NAV3: variants seen among roughly 807,000 people sequenced by gnomAD.
The protein encoded by NAV3 is neuron navigator 3.
In NAV3, 87 loss-of-function variants were observed where a neutral mutation model predicts 244.7. That is an observed-to-expected ratio of 0.36 (90% CI 0.30 to 0.42). The LOEUF is 0.42. Ranked by LOEUF, NAV3 falls within the 20% of genes least tolerant of loss-of-function variation. The pLI is 1.00. For missense variants in NAV3, 2,663 were observed against 2,893.3 expected (o/e 0.92, Z 1.83); for synonymous variants, 1,126 against 1,042.2 (o/e 1.08, Z -1.55).
chr12:78,197,419 T>A lies in NAV3; in HGVS notation c.6446+18T>A. On this transcript the variant is annotated intron_variant, in intron 35 of 39. Coordinates refer to ENST00000397909, the MANE Select transcript of NAV3 (RefSeq NM_001024383.2). Reference sequence around the variant, plus strand: ...AACAAATGGTATGCTTATCAAATATTCTGAATAATGAAATATGAAATAATT... The same window carrying A: ...AACAAATGGTATGCTTATCAAATATACTGAATAATGAAATATGAAATAATT... 6.4e-7 allele frequency: 1 copy of A among 1,554,936 alleles called. No homozygotes were observed. Among genetic ancestry groups the A allele is most frequent in the Non-Finnish European group, 8.7e-7 (1 of 1,145,078 alleles).
intron 2 of NAV3, among the ~76,000 whole-genome samples, chr12:77,778,807 G>A (rs1213690064): frequency 6.6e-6 from 1 of 151,934 alleles, no homozygotes; most frequent in African/African-American, 2.4e-5. Flanking sequence ...TATTCTCTTT[G>A]GTAAAAGGCA....
At chr12:78,201,157 C>T (rs1273183381) in intron 38 of NAV3, among the ~76,000 whole-genome samples, 3 of 148,610 alleles carry the variant, frequency 2.0e-5, no homozygotes, top group East Asian at 4.0e-4. Flanking sequence ...ACTGCAGCCT[C>T]GAACTTTTGG....
intron 9 of NAV3, among the ~76,000 whole-genome samples, chr12:78,029,291 T>C (rs779288533): frequency 1.3e-5 from 2 of 152,130 alleles, no homozygotes; most frequent in Non-Finnish European, 2.9e-5. Flanking sequence ...CATTGAACAT[T>C]GATAACATAG....
At chr12:78,092,491 CTTTTTTT>C (rs71088358) in intron 12 of NAV3, among the ~76,000 whole-genome samples, 8 of 64,028 alleles carry the variant, frequency 1.2e-4, no homozygotes, top group South Asian at 6.1e-4. Flanking sequence ...TAGTTATTTT[CTTTTTTT>C]TTTTTTTTTT....
intron 1 of NAV3, among the ~76,000 whole-genome samples, chr12:77,865,801 G>GTA (rs1879924472): frequency 6.7e-6 from 1 of 150,062 alleles, no homozygotes; most frequent in African/African-American, 2.5e-5. Flanking sequence ...ATATATGCGT[G>GTA]TGTGTGTGTG....
chr12:78,024,316 A>C (rs1877640151), intron 9 of NAV3, among the ~76,000 whole-genome samples: 1 of 152,226 alleles, frequency 6.6e-6, no homozygotes, highest in South Asian at 2.1e-4. Flanking sequence ...AACCAGGAGA[A>C]AACACACCGC....
intron 38 of NAV3, among the ~76,000 whole-genome samples, chr12:78,203,469 G>A (rs1229328395): frequency 6.6e-6 from 1 of 152,042 alleles, no homozygotes; most frequent in African/African-American, 2.4e-5. Context: ...TATAATGATT[G>A]TACCTCTGTT....
At chr12:78,093,404 A>G (rs1359816090) in intron 12 of NAV3, among the ~76,000 whole-genome samples, 1 of 152,234 alleles carries the variant, frequency 6.6e-6, no homozygotes, top group Non-Finnish European at 1.5e-5. Flanking sequence ...CAGGTACTAA[A>G]TAAATCAATT....
chr12:77,796,714 A>G (rs1871422931), intron 2 of NAV3, among the ~76,000 whole-genome samples: 1 of 152,202 alleles, frequency 6.6e-6, no homozygotes, highest in South Asian at 2.1e-4. Flanking sequence ...ACCTTTAGCA[A>G]TCACCACCTT....
intron 2 of NAV3, among the ~76,000 whole-genome samples, chr12:77,688,910 C>A (rs1874880733): frequency 6.6e-6 from 1 of 151,814 alleles, no homozygotes; most frequent in Admixed American, 6.6e-5. Flanking sequence ...GATAAGCCAA[C>A]TGAAATTGGA....
intron 12 of NAV3, among the ~76,000 whole-genome samples, chr12:78,110,016 TGA>T: frequency 6.6e-6 from 1 of 152,114 alleles, no homozygotes; most frequent in East Asian, 1.9e-4. Context: ...TCCTCTTTGC[TGA>T]TGATATGGTT....
Position 77,940,442 on chromosome 12 carries a change from C to G in NAV3, c.361+6C>G, listed in dbSNP as rs1347579900. ...AGAAATCATCCAGATTATTGGTAAG[C>G]CCTTCCTTCTGAAAGAAAGCATGAA... On this transcript the variant is annotated splice_donor_region_variant and intron_variant, in intron 2 of 39. Coordinates refer to ENST00000397909, the MANE Select transcript of NAV3 (RefSeq NM_001024383.2). 6.3e-7 allele frequency: 1 copy of G among 1,599,028 alleles called. No individual in the cohort carries two copies. The highest frequency in any genetic ancestry group is 8.6e-7 in the Non-Finnish European group (1 of 1,167,836).
At chr12:77,836,508 T>C (rs141379941) in intron 1 of NAV3, among the ~76,000 whole-genome samples, 1 of 152,258 alleles carries the variant, frequency 6.6e-6, no homozygotes, top group East Asian at 1.9e-4. Context: ...TACTTTATTC[T>C]TAAAACATTT....
chr12:77,861,272 T>C (rs1321721124), intron 1 of NAV3, among the ~76,000 whole-genome samples: 1 of 151,850 alleles, frequency 6.6e-6, no homozygotes, highest in African/African-American at 2.4e-5. Flanking sequence ...TATGCACCCA[T>C]CTACATGACC....
chr12:77,654,582 T>A (rs976365030), intron 2 of NAV3, among the ~76,000 whole-genome samples: 10 of 152,118 alleles, frequency 6.6e-5, no homozygotes, highest in African/African-American at 2.2e-4. Flanking sequence ...TGTCCCTGTC[T>A]GACAGCTTTG....
intron 5 of NAV3, among the ~76,000 whole-genome samples, chr12:77,976,666 C>CTTTTTTTTTTTTTTTTTT (rs1295751885): frequency 1.7e-5 from 1 of 58,062 alleles, no homozygotes; most frequent in African/African-American, 6.5e-5. Flanking sequence ...TTCTTTCTTT[C>CTTTTTTTTTTTTTTTTTT]TTTTTTTCTT....
chr12:77,708,283 C>T (rs1875932236), intron 2 of NAV3, among the ~76,000 whole-genome samples: 1 of 152,118 alleles, frequency 6.6e-6, no homozygotes, highest in Non-Finnish European at 1.5e-5. Flanking sequence ...TATGGCTAGC[C>T]AGTTTTCCCA....
intron 2 of NAV3, among the ~76,000 whole-genome samples, chr12:77,699,337 A>G (rs904645497): frequency 6.6e-6 from 1 of 152,164 alleles, no homozygotes; most frequent in Non-Finnish European, 1.5e-5. Context: ...GTATTCTAAT[A>G]TGATTCCCCA....
At chr12:77,575,808 A>G (rs1209504845) in intron 2 of NAV3, among the ~76,000 whole-genome samples, 7 of 152,152 alleles carry the variant, frequency 4.6e-5, no homozygotes, top group East Asian at 3.8e-4. Flanking sequence ...AGCATTTGTC[A>G]TAGTCAATAT....
Sources: allele counts gnomAD v4.1 joint callset (sites outside exome capture counted in the v4.1 genomes callset), GRCh38; gene constraint gnomAD v4.1.1; transcripts MANE v1.5; gene names NCBI Gene and HGNC (gene_info 2026-07-23, HGNC 2026-07-21).